TBPL2: variants seen among roughly 807,000 people sequenced by gnomAD.
TBPL2 encodes the protein TATA box-binding protein-like 2.
In TBPL2, 40 loss-of-function variants were observed where a neutral mutation model predicts 38.2. That is an observed-to-expected ratio of 1.05 (90% confidence interval 0.81 to 1.36). The LOEUF is 1.36. Among genes scored for constraint, TBPL2 ranks in the 40% most tolerant of loss-of-function variants. The pLI is 0.00. For synonymous variants in TBPL2, 169 were observed against 171.7 expected, an observed-to-expected ratio of 0.98 and a Z score of 0.12; for missense variants, 461 against 456.7, an observed-to-expected ratio of 1.01 and a Z score of -0.09.
chr14:55,419,038 C>T (rs1047602583), intron 6 of TBPL2, among the ~76,000 whole-genome samples: 2 of 152,202 alleles, frequency 1.3e-5, no homozygotes, highest in Middle Eastern at 3.2e-3. Flanking sequence ...TCCTTTTAGC[C>T]ACTACACCTG....
intron 5 of TBPL2, among the ~76,000 whole-genome samples, chr14:55,425,432 A>C (rs8003863): frequency 0.2 from 31,152 of 152,042 alleles, 4,981 homozygotes; most frequent in African/African-American, 0.45. Flanking sequence ...AGAAAACAAA[A>C]ACTTTGGTAT....
chr14:55,420,403 T>A (rs1885724660), intron 6 of TBPL2, among the ~76,000 whole-genome samples: 1 of 152,166 alleles, frequency 6.6e-6, no homozygotes, highest in African/African-American at 2.4e-5. Context: ...CAGGATTAAG[T>A]AATAAGGAAC....
chr14:55,437,271 G>A (rs1357174933), intron 1 of TBPL2, among the ~76,000 whole-genome samples: 3 of 152,242 alleles, frequency 2.0e-5, no homozygotes, highest in African/African-American at 7.2e-5. Flanking sequence ...GAGGCTAGGA[G>A]TTTTGAGACT....
At chr14:55,431,413 C>T (rs1047887171) in intron 4 of TBPL2, among the ~76,000 whole-genome samples, 1 of 152,194 alleles carries the variant, frequency 6.6e-6, no homozygotes, top group Non-Finnish European at 1.5e-5. Context: ...GCTTACTTCT[C>T]CCTCTGCAAT....
chr14:55,424,300 C>G, intron 5 of TBPL2, 47 bp from the exon 6 acceptor site: 1 of 1,266,262 alleles, frequency 7.9e-7, no homozygotes, highest in South Asian at 1.2e-5. Context: ...CTATTCAGCT[C>G]CTTTCCCATA....
In TBPL2 at chr14:55,428,791, T is replaced by A. The variant is rs1183164250; in HGVS notation, c.956+16A>T. On this transcript the variant is annotated intron_variant, in intron 5 of 6. Coordinates refer to ENST00000247219, the Ensembl canonical transcript of TBPL2. The stretch of plus-strand genomic sequence containing the variant: ...ATCTTGGTAAATTCAAAGTTCAAGC[T>A]ATATAACCGTCATACCTACTGAACT... 1 of 1,604,368 alleles carries A rather than the reference T, an allele frequency of 6.2e-7. No individual in the cohort carries two copies. Among genetic ancestry groups the A allele is most frequent in the Admixed American group, 1.7e-5 (1 of 58,520 alleles).
At chr14:55,435,999 C>T in intron 2 of TBPL2, 65 bp from the exon 3 acceptor site, 1 of 955,910 alleles carries the variant, frequency 1.0e-6, no homozygotes, top group Non-Finnish European at 1.5e-6. Flanking sequence ...AAAAAGACAA[C>T]TTATTTTCTC....
At chr14:55,415,170 T>C (rs1885649742) in intron 6 of TBPL2, among the ~76,000 whole-genome samples, 1 of 152,220 alleles carries the variant, frequency 6.6e-6, no homozygotes, top group Non-Finnish European at 1.5e-5. Context: ...CATGTACTTG[T>C]ACTACTTATA....
chr14:55,418,424 C>T (rs1001345208), intron 6 of TBPL2, among the ~76,000 whole-genome samples: 3 of 152,180 alleles, frequency 2.0e-5, no homozygotes, highest in Admixed American at 6.5e-5. Context: ...CATATTTTCC[C>T]GAGTGATGCC....
At chr14:55,428,096 C>CTAGTCCA (rs1451523546) in intron 5 of TBPL2, among the ~76,000 whole-genome samples, 1 of 139,874 alleles carries the variant, frequency 7.1e-6, no homozygotes, top group Non-Finnish European at 1.5e-5. Flanking sequence ...TCCTACCGGC[C>CTAGTCCA]TAGTCCATTT....
At chr14:55,435,308 C>T (rs116769722) in intron 3 of TBPL2, among the ~76,000 whole-genome samples, 1,679 of 147,306 alleles carry the variant, frequency 0.011, 36 homozygotes, top group African/African-American at 0.04. Flanking sequence ...GACGGAGTCT[C>T]GCTGTTACCC....
exon 2 of TBPL2, chr14:55,436,757 T>G (rs1886020135): frequency 6.2e-7 from 1 of 1,614,096 alleles, no homozygotes; most frequent in African/African-American, 1.3e-5. Context: ...TCCTGTTCGC[T>G]GGGTGATGGC....
rs181322308 is a variant in TBPL2 at position 55,437,463 on chromosome 14, G to A, written c.151-445C>T. Among the ~76,000 whole-genome samples, 6 of 152,338 alleles carry A rather than the reference G, an allele frequency of 3.9e-5. No individual in the cohort carries two copies. The East Asian group carries it at 7.7e-4, about 20-fold the overall frequency. On this transcript the variant is annotated intron_variant, in intron 1 of 6. Transcript: ENST00000247219. ...ACTGCACTCCAGCCTGGGTATCAGA[G>A]CGAGACTCCATCTAAAAAATGATTC... is the stretch of plus-strand genomic sequence containing the variant.
At chr14:55,426,722 A>AAAAG (rs1566592250) in intron 5 of TBPL2, among the ~76,000 whole-genome samples, 8 of 150,556 alleles carry the variant, frequency 5.3e-5, no homozygotes, top group Non-Finnish European at 1.0e-4. Context: ...TTAAAAAAAA[A>AAAAG]AAAAGAAAAG....
chr14:55,423,803 C>T (rs1427655029), intron 6 of TBPL2, among the ~76,000 whole-genome samples: 1 of 152,124 alleles, frequency 6.6e-6, no homozygotes, highest in Admixed American at 6.5e-5. Context: ...TAGTATTTGG[C>T]CCTTTCCAGA....
intron 5 of TBPL2, among the ~76,000 whole-genome samples, chr14:55,425,739 A>G (rs539163873): frequency 8.5e-5 from 13 of 152,310 alleles, no homozygotes; most frequent in African/African-American, 3.1e-4. Flanking sequence ...ACCCCCAATT[A>G]CATTAAAGAC....
intron 6 of TBPL2, among the ~76,000 whole-genome samples, chr14:55,419,584 T>C (rs991061112): frequency 2.0e-5 from 3 of 152,236 alleles, no homozygotes; most frequent in Non-Finnish European, 4.4e-5. Flanking sequence ...CTCAGGACCA[T>C]GACAGTAGAA....
chr14:55,414,380 C>G, exon 7 of TBPL2: 1 of 1,600,460 alleles, frequency 6.2e-7, no homozygotes, highest in South Asian at 1.1e-5. Flanking sequence ...ATGATATGCT[C>G]AGGCTTTTTT....
intron 6 of TBPL2, among the ~76,000 whole-genome samples, chr14:55,422,141 G>T (rs1245701359): frequency 2.0e-5 from 3 of 152,150 alleles, no homozygotes; most frequent in South Asian, 4.1e-4. Context: ...GTAAAAGAAA[G>T]GTCAAAAGGA....
Sources: gnomAD v4.1 joint callset for allele counts (sites outside exome capture counted in the v4.1 genomes callset) on GRCh38, gnomAD v4.1.1 for gene constraint, MANE v1.5 for transcripts, NCBI Gene and HGNC (gene_info 2026-07-23, HGNC 2026-07-21) for gene names.